The following ARB2A variants were observed in gnomAD, a reference collection of about 807,000 sequenced individuals.
ARB2A encodes the protein ARB2 cotranscriptional regulator A, also known as cotranscriptional regulator ARB2A.
chr5:93,929,013 T>C, the ARB2A span, among the ~76,000 whole-genome samples: 14 of 152,088 alleles, frequency 9.2e-5, no homozygotes, highest in East Asian at 5.8e-4. Flanking sequence ...AGTACTTTTT[T>C]TGATATTAGT....
chr5:94,007,578 G>A, the ARB2A span, among the ~76,000 whole-genome samples: 2 of 152,120 alleles, frequency 1.3e-5, no homozygotes, highest in East Asian at 1.9e-4. Context: ...TTCGAGACCA[G>A]CCTTGCCAGC....
chr5:94,035,232 T>TATACATATACATATACATATACAC, the ARB2A span, among the ~76,000 whole-genome samples: 258 of 151,604 alleles, frequency 1.7e-3, 2 homozygotes, highest in East Asian at 0.019. Flanking sequence ...TACATATACA[T>TATACATATACATATACATATACAC]ATACATATAC....
chr5:93,625,317 G>A, the ARB2A span, among the ~76,000 whole-genome samples: 1 of 152,136 alleles, frequency 6.6e-6, no homozygotes, highest in South Asian at 2.1e-4. Context: ...GACAGTAAAA[G>A]CACGGCATAA....
the ARB2A span, among the ~76,000 whole-genome samples, chr5:93,965,793 G>A: frequency 6.6e-6 from 1 of 151,886 alleles, no homozygotes. Context: ...AATTGCTTTG[G>A]TGCTGTATTC....
At chr5:94,012,206 T>G in the ARB2A span, among the ~76,000 whole-genome samples, 2 of 152,014 alleles carry the variant, frequency 1.3e-5, no homozygotes, top group Non-Finnish European at 2.9e-5. Flanking sequence ...ATCAAGACCA[T>G]CCTGGCTAAC....
the ARB2A span, chr5:93,784,566 G>T: frequency 4.5e-6 from 5 of 1,122,850 alleles, no homozygotes; most frequent in Non-Finnish European, 6.6e-6. Context: ...AGCCTGCTTA[G>T]TCAGAGATAA....
At chr5:93,698,793 G>A in the ARB2A span, among the ~76,000 whole-genome samples, 1 of 152,110 alleles carries the variant, frequency 6.6e-6, no homozygotes, top group East Asian at 1.9e-4. Context: ...AAGCAATAAT[G>A]ATTATAAGAT....
chr5:93,755,719 A>G, the ARB2A span, among the ~76,000 whole-genome samples: 10 of 152,206 alleles, frequency 6.6e-5, no homozygotes, highest in Non-Finnish European at 2.9e-5. Flanking sequence ...AGCAGCAGAA[A>G]CGCGCTGGGA....
At chr5:94,014,477 G>A in the ARB2A span, among the ~76,000 whole-genome samples, 2 of 152,122 alleles carry the variant, frequency 1.3e-5, no homozygotes, top group African/African-American at 4.8e-5. Context: ...TTCAATGTGA[G>A]GACAAAGACA....
the ARB2A span, among the ~76,000 whole-genome samples, chr5:93,913,406 T>C: frequency 6.6e-6 from 1 of 151,928 alleles, no homozygotes; most frequent in Non-Finnish European, 1.5e-5. Flanking sequence ...TTCTCTATTC[T>C]TGCAAGCGTC....
chr5:93,895,757 TTC>T, the ARB2A span, among the ~76,000 whole-genome samples: 4 of 152,192 alleles, frequency 2.6e-5, no homozygotes, highest in Non-Finnish European at 5.9e-5. Context: ...GCAATTACAT[TTC>T]TCTCTCTATG....
At chr5:93,660,070 A>G in the ARB2A span, among the ~76,000 whole-genome samples, 1 of 151,882 alleles carries the variant, frequency 6.6e-6, no homozygotes. Flanking sequence ...TACAGTTTCT[A>G]TCTAGCATAT....
At chr5:93,878,144 C>T in the ARB2A span, among the ~76,000 whole-genome samples, 3 of 151,982 alleles carry the variant, frequency 2.0e-5, no homozygotes, top group Admixed American at 6.6e-5. Flanking sequence ...TGCTGTTTGA[C>T]TTTTTGTTTT....
chr5:93,934,029 G>A, the ARB2A span, among the ~76,000 whole-genome samples: 1 of 151,726 alleles, frequency 6.6e-6, no homozygotes, highest in Non-Finnish European at 1.5e-5. Context: ...AAGGAAGATA[G>A]AGGGCAAACT....
the ARB2A span, among the ~76,000 whole-genome samples, chr5:94,068,416 G>T: frequency 6.6e-6 from 1 of 152,162 alleles, no homozygotes; most frequent in African/African-American, 2.4e-5. Flanking sequence ...TGGTGGATGG[G>T]GAGCGAAAGC....
At chr5:93,740,905 C>T in the ARB2A span, 34 of 1,613,974 alleles carry the variant, frequency 2.1e-5, no homozygotes, top group South Asian at 3.0e-4. Context: ...GTTTCCGATT[C>T]GTCGCTCTCT....
chr5:93,947,204 C>G, the ARB2A span, among the ~76,000 whole-genome samples: 1 of 152,090 alleles, frequency 6.6e-6, no homozygotes, highest in Non-Finnish European at 1.5e-5. Context: ...GGCAGTATTA[C>G]GCTTGCTTCT....
the ARB2A span, among the ~76,000 whole-genome samples, chr5:93,957,635 T>TG: frequency 1.3e-5 from 2 of 151,756 alleles, no homozygotes; most frequent in South Asian, 4.1e-4. Context: ...CCACAAAAAG[T>TG]GGGAAAAAAA....
the ARB2A span, among the ~76,000 whole-genome samples, chr5:94,023,444 T>G: frequency 6.6e-6 from 1 of 152,174 alleles, no homozygotes; most frequent in African/African-American, 2.4e-5. Context: ...ACTGGTGCCT[T>G]GATGAAGGTT....
Sources: allele counts gnomAD v4.1 joint callset (sites outside exome capture counted in the v4.1 genomes callset), GRCh38; gene constraint gnomAD v4.1.1; transcripts MANE v1.5; gene names NCBI Gene and HGNC (gene_info 2026-07-23, HGNC 2026-07-21).